The following SCNN1B variants were observed in gnomAD, a reference collection of about 807,000 sequenced individuals.
The protein encoded by SCNN1B is sodium channel epithelial 1 subunit beta.
A neutral mutation model predicts 65.3 loss-of-function variants in SCNN1B; 46 were observed. That is an observed-to-expected ratio of 0.70 (90% CI 0.56 to 0.90). The LOEUF (loss-of-function observed/expected upper bound fraction) is 0.90. SCNN1B is among the 40% of genes least tolerant of loss of function. The probability of loss-of-function intolerance (pLI) is 0.00; values close to 1 mark genes in which losing one functional copy is unlikely to be tolerated. For missense variants in SCNN1B, 751 were observed against 830.5 expected (o/e 0.90, Z 1.18); for synonymous variants, 349 against 330.6 (o/e 1.06, Z -0.60).
chr16:23,363,025 A>G (rs373914912), intron 4 of SCNN1B, among the ~76,000 whole-genome samples: 154 of 152,246 alleles, frequency 1.0e-3, no homozygotes, highest in African/African-American at 3.4e-3. Flanking sequence ...TTACTTGTTC[A>G]TAAAGTCTCA....
chr16:23,379,218 C>A (rs1449105377), intron 11 of SCNN1B, among the ~76,000 whole-genome samples: 1 of 150,348 alleles, frequency 6.7e-6, no homozygotes, highest in Non-Finnish European at 1.5e-5. Context: ...TCTCCATTCT[C>A]CCACCCACGC....
At chr16:23,355,820 G>T (rs532879628) in intron 4 of SCNN1B, among the ~76,000 whole-genome samples, 1 of 151,952 alleles carries the variant, frequency 6.6e-6, no homozygotes, top group African/African-American at 2.4e-5. Flanking sequence ...TGGTGGGTGG[G>T]TGGCTTACCC....
In SCNN1B at chr16:23,317,177, C is replaced by T. The variant is rs572572923; in HGVS notation, c.-9+14740C>T. On this transcript the variant is annotated intron_variant, in intron 1 of 12. Transcript: ENST00000343070. ...CCTAACATCTCTGAAACTCAGCGGC[C>T]TTGTCTGTAAAATGGTGATGATCAC... is the stretch of plus-strand genomic sequence containing the variant. 1.2e-4 allele frequency among the ~76,000 whole-genome samples: 18 copies of T among 152,344 alleles called. No individual in the cohort carries two copies. The East Asian group carries it at 3.3e-3, about 28-fold the overall frequency.
chr16:23,294,839 A>G (rs1256589840), intron 2 of SCNN1B, among the ~76,000 whole-genome samples: 2 of 151,944 alleles, frequency 1.3e-5, no homozygotes, highest in Non-Finnish European at 2.9e-5. Flanking sequence ...CTAAAAATAC[A>G]AAAATTATCC....
intron 1 of SCNN1B, among the ~76,000 whole-genome samples, chr16:23,327,992 C>G (rs1218963651): frequency 6.6e-6 from 1 of 152,178 alleles, no homozygotes; most frequent in Non-Finnish European, 1.5e-5. Context: ...CATCCTAGAG[C>G]CAGCAGTGGA....
chr16:23,356,285 G>A (rs934631191), intron 4 of SCNN1B, among the ~76,000 whole-genome samples: 1 of 152,102 alleles, frequency 6.6e-6, no homozygotes, highest in Non-Finnish European at 1.5e-5. Context: ...CTTCTTCATA[G>A]GGTCATTGAG....
intron 1 of SCNN1B, among the ~76,000 whole-genome samples, chr16:23,313,045 T>A (rs1961377435): frequency 6.6e-6 from 1 of 152,222 alleles, no homozygotes; most frequent in Non-Finnish European, 1.5e-5. Flanking sequence ...ATAACACTAG[T>A]TCACAGGAAC....
chr16:23,366,075 C>T (rs1962663140), intron 4 of SCNN1B, among the ~76,000 whole-genome samples: 1 of 152,246 alleles, frequency 6.6e-6, no homozygotes, highest in Non-Finnish European at 1.5e-5. Context: ...ATAAAAGTCA[C>T]TCAGTGAATG....
At chr16:23,354,835 C>T (rs574118670) in intron 3 of SCNN1B, among the ~76,000 whole-genome samples, 6 of 152,136 alleles carry the variant, frequency 3.9e-5, no homozygotes, top group African/African-American at 1.4e-4. Context: ...AGAGAGAGGG[C>T]ATCTTCTGTG....
intron 1 of SCNN1B, among the ~76,000 whole-genome samples, chr16:23,339,460 C>T (rs1962008940): frequency 1.3e-5 from 2 of 151,872 alleles, no homozygotes; most frequent in Non-Finnish European, 2.9e-5. Flanking sequence ...GTTACCAAGG[C>T]TGGCCTCAAA....
At chr16:23,324,989 A>G (rs1434686000) in intron 1 of SCNN1B, among the ~76,000 whole-genome samples, 1 of 152,212 alleles carries the variant, frequency 6.6e-6, no homozygotes, top group Non-Finnish European at 1.5e-5. Context: ...TTGTACTCAT[A>G]CAGGGTAAAG....
At chr16:23,378,831 G>A in intron 11 of SCNN1B, 64 bp downstream of exon 11, 4 of 1,477,024 alleles carry the variant, frequency 2.7e-6, no homozygotes, top group Non-Finnish European at 3.8e-6. Flanking sequence ...CGGGGCAGGA[G>A]TTTGGACACA....
intron 4 of SCNN1B, among the ~76,000 whole-genome samples, chr16:23,357,611 A>G (rs1300883377): frequency 6.6e-6 from 1 of 152,220 alleles, no homozygotes; most frequent in Non-Finnish European, 1.5e-5. Context: ...GCACAGGCAC[A>G]CATGGGCAGG....
chr16:23,361,051 T>C (rs867241196), intron 4 of SCNN1B, among the ~76,000 whole-genome samples: 1 of 151,988 alleles, frequency 6.6e-6, no homozygotes, highest in African/African-American at 2.4e-5. Context: ...GCCTCAGCCT[T>C]CCAAAGTGCT....
intron 4 of SCNN1B, among the ~76,000 whole-genome samples, chr16:23,356,056 C>T (rs1196399923): frequency 6.6e-6 from 1 of 152,204 alleles, no homozygotes; most frequent in Non-Finnish European, 1.5e-5. Flanking sequence ...CCAGAGTGGT[C>T]CTCCCTTGAA....
rs1567290299 is a variant in SCNN1B, at chr16:23,305,553, TATATATATATATATATATATATATTATA to T, written c.-9+3117_-9+3144del. On this transcript the variant is annotated intron_variant, in intron 1 of 12. Transcript: ENST00000343070. ...TATATATTATATATATATATATATATATATATATATATATATATATATATTATATATATATATATATATATAACCTGGG... is the reference window on the plus strand; with the variant it reads ...TATATATTATATATATATATATATATTATATATATATATATATAACCTGGG... Among the ~76,000 whole-genome samples the T allele has an allele frequency of 2.6e-4, 11 of 41,866 alleles. 2 individuals carry two copies. The highest frequency in any genetic ancestry group is 1.0e-3 in the African/African-American group (4 of 4,004). 27.5% of individuals were successfully genotyped at this position (41,866 alleles called of 152,430 possible). A position where few individuals can be genotyped will look rare whatever the true frequency, so the allele number is the denominator to read the frequency against.
intron 1 of SCNN1B, among the ~76,000 whole-genome samples, chr16:23,346,183 C>A (rs557400773): frequency 1.4e-5 from 2 of 139,830 alleles, no homozygotes; most frequent in African/African-American, 5.7e-5. Flanking sequence ...ATCCATGGAA[C>A]ACCCTTTTTT....
At chr16:23,361,241 T>C (rs1962547983) in intron 4 of SCNN1B, among the ~76,000 whole-genome samples, 1 of 152,224 alleles carries the variant, frequency 6.6e-6, no homozygotes, top group South Asian at 2.1e-4. Context: ...GAGAGACTTT[T>C]TATCGAGGAA....
intron 4 of SCNN1B, among the ~76,000 whole-genome samples, chr16:23,365,544 AG>A (rs1962636593): frequency 9.0e-6 from 1 of 110,858 alleles, no homozygotes; most frequent in African/African-American, 5.2e-5. Context: ...AGAAGGAAAG[AG>A]AAAGAAGGAA....
Sources: gnomAD v4.1 joint callset for allele counts (sites outside exome capture counted in the v4.1 genomes callset) on GRCh38, gnomAD v4.1.1 for gene constraint, MANE v1.5 for transcripts, NCBI Gene and HGNC (gene_info 2026-07-23, HGNC 2026-07-21) for gene names.